Variants in CDK14 observed in about 807,000 individuals in gnomAD.
The protein encoded by CDK14 is cyclin-dependent kinase 14.
A neutral mutation model predicts 60.7 loss-of-function variants in CDK14; 34 were observed. The observed-to-expected ratio is 0.56, with a 90% CI of 0.43 to 0.75. CDK14 has a LOEUF of 0.75. Ranked by LOEUF, CDK14 falls within the 30% of genes least tolerant of loss-of-function variation. The pLI is 0.00. For synonymous variants in CDK14, 197 were observed against 203.7 expected (o/e 0.97, Z 0.28); for missense variants, 482 against 564.1 (o/e 0.85, Z 1.47).
intron 10 of CDK14, among the ~76,000 whole-genome samples, chr7:91,007,352 A>C (rs1295146692): frequency 6.6e-6 from 1 of 152,236 alleles, no homozygotes; most frequent in Non-Finnish European, 1.5e-5. Flanking sequence ...TCCCTGGAGA[A>C]CAGTATCAGA....
intron 11 of CDK14, among the ~76,000 whole-genome samples, chr7:91,061,006 G>C (rs1797767964): frequency 6.6e-6 from 1 of 152,134 alleles, no homozygotes; most frequent in Non-Finnish European, 1.5e-5. Flanking sequence ...TTCCAACTTG[G>C]TTCCATTCTC....
At chr7:90,971,092 TC>T (rs1489695401) in intron 9 of CDK14, among the ~76,000 whole-genome samples, 1 of 150,734 alleles carries the variant, frequency 6.6e-6, no homozygotes, top group African/African-American at 2.4e-5. Context: ...CCCACAACAG[TC>T]CCCGGTGTGT....
At chr7:90,825,905 T>A (rs1012872722) in intron 5 of CDK14, among the ~76,000 whole-genome samples, 3 of 152,212 alleles carry the variant, frequency 2.0e-5, no homozygotes. Context: ...GGTAGTTATG[T>A]CTCTGTTAGT....
chr7:90,924,728 AACC>A (rs1770573016), intron 8 of CDK14, among the ~76,000 whole-genome samples: 1 of 152,164 alleles, frequency 6.6e-6, no homozygotes, highest in South Asian at 2.1e-4. Flanking sequence ...TGTGATTTTA[AACC>A]TTTGTTTCTC....
At chr7:90,834,912 A>G (rs2117123063) in intron 5 of CDK14, among the ~76,000 whole-genome samples, 1 of 152,298 alleles carries the variant, frequency 6.6e-6, no homozygotes, top group East Asian at 1.9e-4. Context: ...CTCAGGCTAG[A>G]GGGAAAAGCT....
intron 2 of CDK14, among the ~76,000 whole-genome samples, chr7:90,623,556 T>G (rs1348802019): frequency 6.6e-6 from 1 of 152,172 alleles, no homozygotes; most frequent in African/African-American, 2.4e-5. Flanking sequence ...ATTAGTTGTT[T>G]TTTTAAGTTT....
At chr7:90,824,496 A>G (rs994732865) in intron 5 of CDK14, 2 of 152,188 alleles carry the variant, frequency 1.3e-5, no homozygotes, top group Non-Finnish European at 2.9e-5. Flanking sequence ...TAATAATTCT[A>G]CCTCTGTGTT....
At chr7:90,673,779 T>G (rs546959277) in intron 2 of CDK14, among the ~76,000 whole-genome samples, 1 of 152,350 alleles carries the variant, frequency 6.6e-6, no homozygotes, top group East Asian at 1.9e-4. Context: ...AACATATCCT[T>G]ACTTTGCTTT....
chr7:90,649,366 T>TTCCTTCCTTTCC (rs1491135766), intron 2 of CDK14, among the ~76,000 whole-genome samples: 1 of 22,178 alleles, frequency 4.5e-5, no homozygotes, highest in Non-Finnish European at 7.1e-5. Flanking sequence ...CCTTCCTTCC[T>TTCCTTCCTTTCC]TTCCTTCCTT....
intron 13 of CDK14, among the ~76,000 whole-genome samples, chr7:91,115,564 G>A (rs1694223227): frequency 6.6e-6 from 1 of 152,110 alleles, no homozygotes; most frequent in Admixed American, 6.6e-5. Context: ...TCTTAAAGAT[G>A]GCTCATAGCA....
chr7:91,203,442 C>A (rs531457332), intron 14 of CDK14, among the ~76,000 whole-genome samples: 7 of 152,336 alleles, frequency 4.6e-5, no homozygotes, highest in African/African-American at 1.7e-4. Context: ...CTGATGCCAC[C>A]TGTCCCCTGA....
intron 2 of CDK14, among the ~76,000 whole-genome samples, chr7:90,670,238 G>T (rs1381915403): frequency 2.0e-5 from 3 of 152,174 alleles, no homozygotes; most frequent in East Asian, 3.8e-4. Context: ...TGAGTTTCCA[G>T]TATGGTATTT....
At chr7:90,919,344 G>A (rs1793174255) in intron 8 of CDK14, among the ~76,000 whole-genome samples, 7 of 151,704 alleles carry the variant, frequency 4.6e-5, no homozygotes, top group Admixed American at 4.6e-4. Context: ...TGCTTACTAG[G>A]GATTCTTTTT....
chr7:91,104,624 T>A (rs1042558767), intron 12 of CDK14, among the ~76,000 whole-genome samples: 1 of 152,224 alleles, frequency 6.6e-6, no homozygotes, highest in African/African-American at 2.4e-5. Flanking sequence ...CCAGCCTATG[T>A]CAAACACTGA....
intron 12 of CDK14, among the ~76,000 whole-genome samples, chr7:91,089,949 A>T (rs1050571153): frequency 2.0e-5 from 3 of 152,126 alleles, no homozygotes; most frequent in Non-Finnish European, 4.4e-5. Flanking sequence ...TTCTAATTTT[A>T]TTTGGTAGTC....
At chr7:91,029,297 T>C (rs2115925338) in intron 10 of CDK14, among the ~76,000 whole-genome samples, 1 of 152,294 alleles carries the variant, frequency 6.6e-6, no homozygotes, top group East Asian at 1.9e-4. Context: ...GGTTTGACTA[T>C]TTCCGTCTTT....
chr7:90,606,871 C>G (rs546349419), intron 2 of CDK14, among the ~76,000 whole-genome samples: 2 of 152,350 alleles, frequency 1.3e-5, no homozygotes, highest in South Asian at 4.1e-4. Context: ...GGTCGTTTAA[C>G]TTACCCCGGC....
In CDK14 at chr7:90,647,260, C is replaced by A. The variant is rs17866361; in HGVS notation, c.123+43011C>A. Among the ~76,000 whole-genome samples, 195 of 152,266 alleles carry A rather than the reference C, an allele frequency of 1.3e-3. 1 individual carries two copies. The highest frequency in any genetic ancestry group is 2.0e-3 in the Non-Finnish European group (134 of 68,026). On this transcript the variant is annotated intron_variant, in intron 2 of 14. Transcript: ENST00000380050. ...GTGTGTTAGGAACCTTGAAGACGATCTAGTCCCACCTTCCAATTGGTATAA... is the reference window on the plus strand; with the variant it reads ...GTGTGTTAGGAACCTTGAAGACGATATAGTCCCACCTTCCAATTGGTATAA...
intron 2 of CDK14, among the ~76,000 whole-genome samples, chr7:90,663,101 CA>C (rs1179049914): frequency 6.8e-6 from 1 of 145,994 alleles, no homozygotes; most frequent in South Asian, 2.1e-4. Context: ...TGGGAACACA[CA>C]CACACACACA....
Sources: allele counts gnomAD v4.1 joint callset (sites outside exome capture counted in the v4.1 genomes callset), GRCh38; gene constraint gnomAD v4.1.1; transcripts MANE v1.5; gene names NCBI Gene and HGNC (gene_info 2026-07-23, HGNC 2026-07-21).